MMP16: variants seen among roughly 807,000 people sequenced by gnomAD.
MMP16 encodes the protein matrix metalloproteinase-16.
In MMP16, 12 loss-of-function variants were observed where a neutral mutation model predicts 67.8. The observed-to-expected ratio is 0.18, with a 90% CI of 0.11 to 0.29. The LOEUF (loss-of-function observed/expected upper bound fraction) is 0.29. MMP16 is among the 10% of genes least tolerant of loss of function. The probability of loss-of-function intolerance (pLI) is 1.00; values close to 1 mark genes in which losing one functional copy is unlikely to be tolerated. For synonymous variants in MMP16, 249 were observed against 255.9 expected (o/e 0.97, Z 0.26); for missense variants, 475 against 765.7 (o/e 0.62, Z 4.48).
intron 9 of MMP16, among the ~76,000 whole-genome samples, chr8:88,045,675 A>G (rs551445439): frequency 4.6e-5 from 7 of 152,066 alleles, no homozygotes; most frequent in Non-Finnish European, 8.8e-5. Flanking sequence ...TAATCTTGCA[A>G]TACACTTAAG....
chr8:88,103,531 C>T (rs2118386208), intron 6 of MMP16, among the ~76,000 whole-genome samples: 1 of 151,876 alleles, frequency 6.6e-6, no homozygotes, highest in South Asian at 2.1e-4. Flanking sequence ...TAGTGCTTTG[C>T]ACAATACTAA....
At chr8:88,286,736 C>T (rs544195469) in intron 1 of MMP16, among the ~76,000 whole-genome samples, 51 of 152,116 alleles carry the variant, frequency 3.4e-4, no homozygotes, top group South Asian at 6.2e-4. Context: ...CCACCATGCC[C>T]GGCTAATTTT....
chr8:88,144,311 A>G (rs964772176), intron 4 of MMP16, among the ~76,000 whole-genome samples: 1 of 151,940 alleles, frequency 6.6e-6, no homozygotes, highest in African/African-American at 2.4e-5. Flanking sequence ...GGCTATAAAA[A>G]ATCAGGCAGT....
chr8:88,043,268 TG>T (rs1808155676), intron 9 of MMP16, among the ~76,000 whole-genome samples: 1 of 152,146 alleles, frequency 6.6e-6, no homozygotes, highest in African/African-American at 2.4e-5. Flanking sequence ...TTTTTAAGAC[TG>T]GGTCCTTTAC....
intron 1 of MMP16, among the ~76,000 whole-genome samples, chr8:88,246,067 A>G (rs1810108796): frequency 6.6e-6 from 1 of 152,142 alleles, no homozygotes; most frequent in African/African-American, 2.4e-5. Context: ...TAAGGATGTT[A>G]TGGGGTAAAA....
intron 1 of MMP16, among the ~76,000 whole-genome samples, chr8:88,320,859 C>T (rs1196792965): frequency 6.6e-6 from 1 of 152,096 alleles, no homozygotes; most frequent in South Asian, 2.1e-4. Context: ...TGTGGCTCAT[C>T]AAGCTATGCC....
chr8:88,232,070 A>T (rs1370012176), intron 1 of MMP16, among the ~76,000 whole-genome samples: 1 of 152,112 alleles, frequency 6.6e-6, no homozygotes, highest in Non-Finnish European at 1.5e-5. Context: ...GGCAATCGAG[A>T]GGTTATCATA....
intron 1 of MMP16, among the ~76,000 whole-genome samples, chr8:88,251,089 C>T (rs1393837872): frequency 6.6e-6 from 1 of 151,696 alleles, no homozygotes; most frequent in South Asian, 2.1e-4. Context: ...CATCCATGTC[C>T]CTACAAAGGA....
At chr8:88,290,239 ATC>A (rs1810905011) in intron 1 of MMP16, among the ~76,000 whole-genome samples, 1 of 152,154 alleles carries the variant, frequency 6.6e-6, no homozygotes, top group East Asian at 1.9e-4. Context: ...AAGTTGCTAA[ATC>A]TCTGTTTCTC....
At chr8:88,317,322 G>A (rs1811389048) in intron 1 of MMP16, among the ~76,000 whole-genome samples, 1 of 152,076 alleles carries the variant, frequency 6.6e-6, no homozygotes, top group South Asian at 2.1e-4. Context: ...CATCTCCAGG[G>A]CCATTACCAT....
At chr8:88,294,795 C>A (rs558508720) in intron 1 of MMP16, among the ~76,000 whole-genome samples, 1 of 152,252 alleles carries the variant, frequency 6.6e-6, no homozygotes, top group Admixed American at 6.5e-5. Context: ...ACTAACTGCA[C>A]CTCTGCCTCT....
At chr8:88,105,401 T>C (rs1809220659) in intron 6 of MMP16, among the ~76,000 whole-genome samples, 2 of 151,580 alleles carry the variant, frequency 1.3e-5, no homozygotes. Flanking sequence ...ATAGTATTGC[T>C]GTAGTTTAAA....
chr8:88,125,638 A>G (rs1807918911), intron 4 of MMP16, among the ~76,000 whole-genome samples: 1 of 151,970 alleles, frequency 6.6e-6, no homozygotes, highest in African/African-American at 2.4e-5. Flanking sequence ...TGAATATGAT[A>G]TCTGCATTTA....
intron 1 of MMP16, among the ~76,000 whole-genome samples, chr8:88,202,313 T>C (rs1236476870): frequency 6.6e-6 from 1 of 152,210 alleles, no homozygotes; most frequent in East Asian, 1.9e-4. Flanking sequence ...ATGACCGTGA[T>C]GATCATATTT....
intron 1 of MMP16, among the ~76,000 whole-genome samples, chr8:88,233,909 C>A (rs979780966): frequency 6.6e-6 from 1 of 152,170 alleles, no homozygotes; most frequent in East Asian, 1.9e-4. Context: ...CCAAAGTGAG[C>A]GCCAGATCCA....
chr8:88,095,105 A>G (rs913873306), intron 6 of MMP16, among the ~76,000 whole-genome samples: 1 of 151,900 alleles, frequency 6.6e-6, no homozygotes, highest in Non-Finnish European at 1.5e-5. Flanking sequence ...CAGATTTTAC[A>G]GTACATTAAT....
At chr8:88,122,197 T>C (rs1563538236) in intron 4 of MMP16, among the ~76,000 whole-genome samples, 1 of 152,112 alleles carries the variant, frequency 6.6e-6, no homozygotes, top group Non-Finnish European at 1.5e-5. Flanking sequence ...TTTCCCCTAG[T>C]GTTGTAGCTT....
chr8:88,049,668 T>C (rs1808245149), intron 8 of MMP16, among the ~76,000 whole-genome samples: 1 of 152,156 alleles, frequency 6.6e-6, no homozygotes, highest in Non-Finnish European at 1.5e-5. Context: ...ATTTTAACAA[T>C]ACATGGCACT....
chr8:88,168,778 A>G (rs989167712), intron 3 of MMP16, among the ~76,000 whole-genome samples: 2 of 152,184 alleles, frequency 1.3e-5, no homozygotes, highest in South Asian at 4.1e-4. Flanking sequence ...TGCATGTGAA[A>G]AAAATGGGTA....
Sources: allele counts gnomAD v4.1 joint callset (sites outside exome capture counted in the v4.1 genomes callset), GRCh38; gene constraint gnomAD v4.1.1; transcripts MANE v1.5; gene names NCBI Gene and HGNC (gene_info 2026-07-23, HGNC 2026-07-21).